TUBGCP6: variants seen among roughly 807,000 people sequenced by gnomAD.
TUBGCP6 encodes the protein tubulin gamma complex component 6.
Under a neutral mutation model 175.8 loss-of-function variants are expected in TUBGCP6, and 161 were observed. That is an observed-to-expected ratio of 0.92 (90% CI 0.81 to 1.04). The LOEUF (loss-of-function observed/expected upper bound fraction) is 1.04, where lower values mean the gene tolerates loss of function less well. TUBGCP6 is among the 50% of genes least tolerant of loss of function. The pLI is 0.00. For missense variants in TUBGCP6, 2,572 were observed against 2,433.0 expected (o/e 1.06, Z -1.20); for synonymous variants, 1,173 against 1,030.5 (o/e 1.14, Z -2.65).
Position 50,244,525 on chromosome 22 carries a change from C to T in TUBGCP6, c.-66G>A. The T allele has an allele frequency of 1.3e-6, 2 of 1,508,134 alleles. No homozygotes were observed. The highest frequency in any genetic ancestry group is 1.8e-6 in the Non-Finnish European group (2 of 1,131,864). 93.4% of individuals were successfully genotyped at this position (1,508,134 alleles called of 1,614,324 possible). On this transcript the variant is annotated 5_prime_UTR_variant, in exon 1 of 25. Transcript: ENST00000248846. ...CCTCACCCGGGCTTCACTCACGCTC[C>T]GGAAGACAGGGAGTGAGAGAGGGTC... is the stretch of plus-strand genomic sequence containing the variant.
In TUBGCP6 at chr22:50,220,385, A is replaced by G. The variant is rs377293472; in HGVS notation, c.3974T>C (p.Val1325Ala). Residue 1325 changes from valine to alanine, a missense_variant, in exon 16 of 25, where the codon GTG (valine) becomes GCG (alanine). Coordinates refer to ENST00000248846, the MANE Select transcript of TUBGCP6 (RefSeq NM_020461.4). Reference protein sequence around the residue: ...LDCGPRLPVEVGPSLSSPSSG... With the variant: ...LDCGPRLPVEAGPSLSSPSSG... Reference sequence around the variant, plus strand: ...GCTGGGGGAGGACAGAGATGGCCCCACTTCTACAGGCAGCCGTGGCCCACA... The same window carrying G: ...GCTGGGGGAGGACAGAGATGGCCCCGCTTCTACAGGCAGCCGTGGCCCACA... 3.8e-6 allele frequency: 6 copies of G among 1,568,820 alleles called. No homozygotes were observed. Among genetic ancestry groups the G allele is most frequent in the Non-Finnish European group, 5.2e-6 (6 of 1,153,156 alleles).
At chr22:50,218,970 C>A in intron 20 of TUBGCP6, 73 bp from the exon 21 acceptor site, 1 of 1,589,040 alleles carries the variant, frequency 6.3e-7, no homozygotes, top group South Asian at 1.1e-5. Context: ...CCCCATGGGG[C>A]TGTGCCAGAG....
chr22:50,220,466 G>A lies in TUBGCP6; in HGVS notation c.3893C>T (p.Pro1298Leu). 6.2e-7 allele frequency: 1 copy of A among 1,612,798 alleles called. No individual in the cohort carries two copies. The highest frequency in any genetic ancestry group is 2.2e-5 in the East Asian group (1 of 44,862). The stretch of plus-strand genomic sequence containing the variant: ...GAGCGCTGACTGGGACGTGTGGCCA[G>A]GGGGGCTCTGTTGGGGCCTGGGTGT... ...PNTPRPQQSP[P>L]GHTSQSALSL... Residue 1298 changes from proline (P) to leucine (L), a missense_variant, in exon 16 of 25, where the codon CCT (proline) becomes CTT (leucine). By Grantham distance (98) the Pro-to-Leu change is moderately conservative. Coordinates refer to ENST00000248846, the MANE Select transcript of TUBGCP6 (RefSeq NM_020461.4).
chr22:50,229,172 C>G (rs1032152774), intron 4 of TUBGCP6, among the ~76,000 whole-genome samples: 1 of 152,160 alleles, frequency 6.6e-6, no homozygotes, highest in Admixed American at 6.5e-5. Context: ...CTCCTACACA[C>G]CCCAGGGCCC....
intron 1 of TUBGCP6, among the ~76,000 whole-genome samples, chr22:50,240,750 G>A (rs187851423): frequency 2.0e-5 from 3 of 152,248 alleles, no homozygotes; most frequent in Non-Finnish European, 4.4e-5. Context: ...AGCACTATGG[G>A]AGGCTGAGGC....
intron 1 of TUBGCP6, 97 bp from the exon 2 acceptor site, chr22:50,240,464 C>G: frequency 3.5e-6 from 5 of 1,417,700 alleles, no homozygotes; most frequent in Non-Finnish European, 4.9e-6. Flanking sequence ...AAAGACCTAA[C>G]AAAATGTTTC....
Position 50,217,727 on chromosome 22 carries a change from A to G in TUBGCP6, c.*9T>C, listed in dbSNP as rs1332823578. ...CACCTTTATTGTGCACGTCCCCCGC[A>G]GAGCAGCCTCAGGCGTCCTGGTAGT... On this transcript the variant is annotated 3_prime_UTR_variant, in exon 25 of 25. Transcript: ENST00000248846. The G allele has an allele frequency of 6.2e-7, 1 of 1,613,534 alleles. No individual in the cohort carries two copies. Among genetic ancestry groups the G allele is most frequent in the Admixed American group, 1.7e-5 (1 of 59,958 alleles).
At chr22:50,235,847 G>A (rs1282848978) in intron 2 of TUBGCP6, among the ~76,000 whole-genome samples, 1 of 151,848 alleles carries the variant, frequency 6.6e-6, no homozygotes, top group East Asian at 1.9e-4. Context: ...GGCTAAGGCA[G>A]GAGAATGGCT....
rs781246922 is a variant in TUBGCP6, at chr22:50,218,699, T to A, written c.4821+4A>T. ...CATCCCCCGCGGCCAGGGCTGCTGC[T>A]GACCTTGTACCTGAGCTCCAGGCAG... On this transcript the variant is annotated splice_donor_region_variant and intron_variant, in intron 21 of 24. Transcript: ENST00000248846. 1 of 1,613,594 alleles carries A rather than the reference T, an allele frequency of 6.2e-7. No homozygotes were observed. The highest frequency in any genetic ancestry group is 8.5e-7 in the Non-Finnish European group (1 of 1,179,768).
chr22:50,222,616 C>T (rs758392510), intron 13 of TUBGCP6, 24 bp from the exon 14 acceptor site: 9 of 1,605,936 alleles, frequency 5.6e-6, no homozygotes, highest in South Asian at 1.1e-5. Context: ...CCAGAGAGGA[C>T]ACGGCCACAA....
In TUBGCP6 at chr22:50,221,769, G is replaced by C. The variant is rs1273001550; in HGVS notation, c.2590C>G (p.Leu864Val). ...AWDGWNRPGLLTPQPLKPLAV... is the reference protein window; with the variant it reads ...AWDGWNRPGLVTPQPLKPLAV... ...AGAGGCTTAAGGGGCTGTGGGGTCA[G>C]CAGGCCTGGCCTGTTCCAGCCATCC... Residue 864 changes from leucine to valine, a missense_variant, in exon 16 of 25, where the codon CTG becomes GTG. Physicochemically the swap from Leu to Val is conservative, Grantham distance 32. Transcript: ENST00000248846. The C allele has an allele frequency of 5.3e-6, 8 of 1,513,752 alleles. No homozygotes were observed. The highest frequency in any genetic ancestry group is 7.1e-6 in the Non-Finnish European group (8 of 1,131,572). 93.8% of individuals were successfully genotyped at this position (1,513,752 alleles called of 1,614,324 possible).
Position 50,233,354 on chromosome 22 carries a change from A to C in TUBGCP6, c.1078T>G (p.Leu360Val), listed in dbSNP as rs748704112. 11 of 1,613,992 alleles carry C rather than the reference A, an allele frequency of 6.8e-6. No individual in the cohort carries two copies. The Admixed American group carries it at 1.8e-4, about 27-fold the overall frequency. ...CELVKDVLNV[L>V]IGVVSATFSL... is the part of the protein sequence containing the mutation. ...AACGTGGCAGACACGACCCCAATCA[A>C]GACGTTCAGCACGTCTTTCACCAGC... Residue 360 changes from leucine (L) to valine (V), a missense_variant, in exon 3 of 25, where the codon TTG (leucine) becomes GTG (valine). Transcript: ENST00000248846.
Position 50,244,491 on chromosome 22 carries a change from G to A in TUBGCP6, c.-32C>T. ...TCTCAGCTCCGGGCCCCCGGCGTGTGGGAAAACACCTCACCCGGGCTTCAC... is the reference window on the plus strand; with the variant it reads ...TCTCAGCTCCGGGCCCCCGGCGTGTAGGAAAACACCTCACCCGGGCTTCAC... On this transcript the variant is annotated 5_prime_UTR_variant, in exon 1 of 25. Transcript: ENST00000248846. 1 of 1,579,694 alleles carries A rather than the reference G, an allele frequency of 6.3e-7. No homozygotes were observed. The highest frequency in any genetic ancestry group is 8.6e-7 in the Non-Finnish European group (1 of 1,164,448).
At chr22:50,218,146 C>T in intron 23 of TUBGCP6, 29 bp from the exon 24 acceptor site, 1 of 1,610,388 alleles carries the variant, frequency 6.2e-7, no homozygotes. Flanking sequence ...GCTGGGTGGG[C>T]TGAGCCGTGA....
intron 14 of TUBGCP6, among the ~76,000 whole-genome samples, 169 bp from the exon 15 acceptor site, chr22:50,222,271 C>T (rs1455001480): frequency 2.0e-5 from 3 of 152,184 alleles, no homozygotes; most frequent in Non-Finnish European, 2.9e-5. Context: ...TCCAAAACCA[C>T]GAGCTCCTCA....
Position 50,224,515 on chromosome 22 carries a change from C to CA in TUBGCP6, c.2060dup (p.Ser688GlufsTer2), listed in dbSNP as rs1294887106. ...GGAGGACTTGGGGCCACTCACCACTCAGTGCACTCAGGACCCTGGATGCTG... is the reference window on the plus strand; with the variant it reads ...GGAGGACTTGGGGCCACTCACCACTCAAGTGCACTCAGGACCCTGGATGCTG... On this transcript the variant is annotated frameshift_variant, in exon 11 of 25. Transcript: ENST00000248846. LOFTEE classifies it high-confidence loss of function. The CA allele has an allele frequency of 6.2e-7, 1 of 1,614,078 alleles. No homozygotes were observed. The highest frequency in any genetic ancestry group is 8.5e-7 in the Non-Finnish European group (1 of 1,180,044).
chr22:50,233,594 T>C (rs1601600161), intron 2 of TUBGCP6, 68 bp from the exon 3 acceptor site: 2 of 1,444,288 alleles, frequency 1.4e-6, no homozygotes, highest in South Asian at 2.4e-5. Flanking sequence ...CAGGGTGCTT[T>C]CTCTCGGGAA....
chr22:50,219,710 C>T lies in TUBGCP6; in HGVS notation c.4249G>A (p.Ala1417Thr). 2 of 1,613,700 alleles carry T rather than the reference C, an allele frequency of 1.2e-6. No homozygotes were observed. Among genetic ancestry groups the T allele is most frequent in the Non-Finnish European group, 1.7e-6 (2 of 1,179,922 alleles). ...SAAEAQGGEQ[A>T]YLAGLAGQYH... ...TGCCCTGCCAGGCCTGCCAGGTAGG[C>T]CTGCTCCCCACCCTGAGCCTCCGCC... The change falls in exon 18 of 25, where the codon GCC (alanine) becomes ACC (threonine). Residue 1417 changes from alanine (A) to threonine (T), a missense_variant. Physicochemically the swap from Ala to Thr is moderately conservative, Grantham distance 58 (BLOSUM62 0). Coordinates refer to ENST00000248846, the MANE Select transcript of TUBGCP6 (RefSeq NM_020461.4).
intron 2 of TUBGCP6, among the ~76,000 whole-genome samples, chr22:50,234,661 AC>A (rs1340446896): frequency 1.0e-5 from 1 of 97,390 alleles, no homozygotes; most frequent in Non-Finnish European, 2.0e-5. Context: ...CATCACCCAC[AC>A]CCCCGTCCAC....
Sources: allele counts gnomAD v4.1 joint callset (sites outside exome capture counted in the v4.1 genomes callset), GRCh38; gene constraint gnomAD v4.1.1; transcripts MANE v1.5; gene names NCBI Gene and HGNC (gene_info 2026-07-23, HGNC 2026-07-21).